DYNLRB1: variants seen among roughly 807,000 people sequenced by gnomAD.
The protein encoded by DYNLRB1 is dynein light chain roadblock-type 1.
Under a neutral mutation model 13.5 loss-of-function variants are expected in DYNLRB1, and 6 were observed. The observed-to-expected ratio is 0.44, with a 90% CI of 0.24 to 0.88. The LOEUF (loss-of-function observed/expected upper bound fraction) is 0.88. Among genes scored for constraint, DYNLRB1 ranks in the 40% least tolerant of loss-of-function variants. The pLI, the probability that DYNLRB1 is intolerant of heterozygous loss-of-function variation, is 0.21. For missense variants in DYNLRB1, 93 were observed against 127.2 expected (o/e 0.73, Z 1.29); for synonymous variants, 43 against 45.0 (o/e 0.96, Z 0.18).
At chr20:34,515,925 T>C (rs759047245), upstream of DYNLRB1, among the ~76,000 whole-genome samples, 2 of 152,078 alleles carry the variant, frequency 1.3e-5, no homozygotes, top group South Asian at 2.1e-4. Flanking sequence ...CAGGGTCTCT[T>C]GCTCTGTCGC....
intron 2 of DYNLRB1, chr20:34,533,618 A>G (rs568241116): frequency 3.9e-5 from 22 of 565,090 alleles, no homozygotes; most frequent in Non-Finnish European, 4.7e-5. Context: ...CAGGAGTTCA[A>G]GACTAGCCTG....
chr20:34,536,701 C>T (rs981895484), intron 3 of DYNLRB1, among the ~76,000 whole-genome samples: 3 of 149,976 alleles, frequency 2.0e-5, no homozygotes, highest in African/African-American at 4.9e-5. Context: ...GCTGAGATCG[C>T]GCCACTGCAC....
intron 1 of DYNLRB1, among the ~76,000 whole-genome samples, chr20:34,520,020 TC>T (rs969931048): frequency 1.3e-5 from 2 of 152,016 alleles, no homozygotes; most frequent in African/African-American, 4.8e-5. Flanking sequence ...TTCCAGCTGC[TC>T]AGGAGGCTGA....
At chr20:34,523,166 T>C (rs2146621701) in intron 1 of DYNLRB1, among the ~76,000 whole-genome samples, 2 of 151,714 alleles carry the variant, frequency 1.3e-5, no homozygotes, top group Middle Eastern at 6.8e-3. Flanking sequence ...GTCCAAAGGG[T>C]TGGGAGGTAG....
chr20:34,522,886 G>A (rs1979870187), intron 1 of DYNLRB1, among the ~76,000 whole-genome samples: 1 of 152,116 alleles, frequency 6.6e-6, no homozygotes, highest in Non-Finnish European at 1.5e-5. Context: ...TCCCCCTCCT[G>A]TACTTAAAAA....
At chr20:34,522,556 T>A (rs1600540738) in intron 1 of DYNLRB1, among the ~76,000 whole-genome samples, 1 of 136,390 alleles carries the variant, frequency 7.3e-6, no homozygotes, top group African/African-American at 2.7e-5. Context: ...CACTGCAGCC[T>A]CGGCCTCCTG....
intron 1 of DYNLRB1, among the ~76,000 whole-genome samples, chr20:34,520,628 T>A (rs189829828): frequency 6.6e-6 from 1 of 152,242 alleles, no homozygotes; most frequent in African/African-American, 2.4e-5. Flanking sequence ...TTGTATTTTT[T>A]AGTAGAAACA....
chr20:34,535,461 G>T (rs1981066965), intron 3 of DYNLRB1: 1 of 811,518 alleles, frequency 1.2e-6, no homozygotes. Context: ...TCATTCTCAG[G>T]GTGAGGAGAT....
In DYNLRB1 at chr20:34,531,778, C is replaced by T. The variant is rs556299808; in HGVS notation, c.80-2850C>T. On this transcript the variant is annotated intron_variant, in intron 2 of 3. Coordinates refer to ENST00000357156, the MANE Select transcript of DYNLRB1 (RefSeq NM_014183.4). ...TCACTTTGTAATGGTGCAGTGTCAACCTGGAAAAACTGCGTGGTGCTGGGA... is the reference window on the plus strand; with the variant it reads ...TCACTTTGTAATGGTGCAGTGTCAATCTGGAAAAACTGCGTGGTGCTGGGA... 1.3e-4 allele frequency among the ~76,000 whole-genome samples: 20 copies of T among 152,246 alleles called. No homozygotes were observed. In the East Asian group the frequency reaches 3.7e-3, roughly 28 times the overall value.
At chr20:34,527,196 G>C (rs1980296601) in intron 2 of DYNLRB1, among the ~76,000 whole-genome samples, 1 of 152,176 alleles carries the variant, frequency 6.6e-6, no homozygotes. Flanking sequence ...GCGCTTGGGT[G>C]CTTTCTCCCG....
intron 3 of DYNLRB1, chr20:34,536,157 G>A (rs1048314794): frequency 6.1e-6 from 6 of 985,286 alleles, no homozygotes; most frequent in East Asian, 1.1e-4. Context: ...CCAAAATCAC[G>A]CTTCTGTGTG....
intron 3 of DYNLRB1, among the ~76,000 whole-genome samples, chr20:34,537,558 GA>G (rs1981245035): frequency 6.6e-6 from 1 of 152,222 alleles, no homozygotes; most frequent in Non-Finnish European, 1.5e-5. Context: ...GTTTTAGGAT[GA>G]AAACCAGTGA....
At chr20:34,522,543 G>A in intron 1 of DYNLRB1, among the ~76,000 whole-genome samples, 1 of 132,662 alleles carries the variant, frequency 7.5e-6, no homozygotes, top group East Asian at 2.4e-4. Context: ...CGCGATCATG[G>A]CTCACTGCAG....
chr20:34,525,670 C>T (rs975278897), intron 1 of DYNLRB1, among the ~76,000 whole-genome samples: 1 of 152,062 alleles, frequency 6.6e-6, no homozygotes, highest in Admixed American at 6.5e-5. Flanking sequence ...GAATGAGGAC[C>T]CGAACTGCGA....
chr20:34,527,145 A>T (rs940036073), intron 2 of DYNLRB1, among the ~76,000 whole-genome samples: 1 of 152,228 alleles, frequency 6.6e-6, no homozygotes, highest in Non-Finnish European at 1.5e-5. Context: ...TGATCGGCCT[A>T]CCATCACACA....
intron 1 of DYNLRB1, among the ~76,000 whole-genome samples, chr20:34,525,759 C>T (rs1013115113): frequency 1.3e-5 from 2 of 152,150 alleles, no homozygotes; most frequent in South Asian, 4.1e-4. Flanking sequence ...TAATGAGCCC[C>T]TTCCCAAGGC....
chr20:34,521,119 T>C (rs945868684), intron 1 of DYNLRB1, among the ~76,000 whole-genome samples: 2 of 152,032 alleles, frequency 1.3e-5, no homozygotes, highest in Non-Finnish European at 2.9e-5. Flanking sequence ...TTCAAGCAAT[T>C]TTCCTGCCTC....
At chr20:34,520,078 G>A (rs539452471) in intron 1 of DYNLRB1, among the ~76,000 whole-genome samples, 35 of 152,166 alleles carry the variant, frequency 2.3e-4, no homozygotes, top group African/African-American at 6.5e-4. Flanking sequence ...GCAGTGATCC[G>A]AGACCAGGCC....
At chr20:34,536,086 GT>G in intron 3 of DYNLRB1, 1 of 985,442 alleles carries the variant, frequency 1.0e-6, no homozygotes, top group South Asian at 4.7e-5. Flanking sequence ...CCCTAGAGGG[GT>G]GGGGACAGAG....
Sources: gnomAD v4.1 joint callset for allele counts (sites outside exome capture counted in the v4.1 genomes callset) on GRCh38, gnomAD v4.1.1 for gene constraint, MANE v1.5 for transcripts, NCBI Gene and HGNC (gene_info 2026-07-23, HGNC 2026-07-21) for gene names.